Variants in ITPR2 observed in about 807,000 individuals in gnomAD.
ITPR2 encodes the protein inositol 1,4,5-trisphosphate receptor type 2.
In ITPR2, 207 loss-of-function variants were observed where a neutral mutation model predicts 317.1. That is an observed-to-expected ratio of 0.65 (90% confidence interval 0.58 to 0.73). The LOEUF is 0.73. ITPR2 is among the 30% of genes least tolerant of loss of function. The probability of loss-of-function intolerance (pLI) is 0.00; values close to 1 mark genes in which losing one functional copy is unlikely to be tolerated. For missense variants in ITPR2, 2,613 were observed against 3,284.0 expected (o/e 0.80, Z 4.99); for synonymous variants, 1,156 against 1,149.1 (o/e 1.01, Z -0.12).
intron 47 of ITPR2, among the ~76,000 whole-genome samples, chr12:26,437,948 C>G (rs982780675): frequency 6.6e-6 from 1 of 151,876 alleles, no homozygotes; most frequent in African/African-American, 2.4e-5. Context: ...ACTACAGGTG[C>G]CTGCCACCAC....
chr12:26,480,864 A>T (rs926056226), intron 43 of ITPR2, among the ~76,000 whole-genome samples: 2 of 140,030 alleles, frequency 1.4e-5, no homozygotes, highest in Non-Finnish European at 3.1e-5. Flanking sequence ...AAAATAAAAT[A>T]AAAAATAAAA....
chr12:26,628,287 A>G, intron 22 of ITPR2, 125 bp from the exon 23 acceptor site: 1 of 630,688 alleles, frequency 1.6e-6, no homozygotes, highest in South Asian at 2.6e-5. Context: ...GAAGCTTTTA[A>G]CACCAGTTGC....
rs546946589 is a variant in ITPR2 at position 26,692,739 on chromosome 12, C to A, written c.996+2867G>T. Reference sequence around the variant, plus strand: ...CATTTCAGTGGCACCATGCATGAACCTTTGAAACTTCAAATACGGAAGGCA... The same window carrying A: ...CATTTCAGTGGCACCATGCATGAACATTTGAAACTTCAAATACGGAAGGCA... On this transcript the variant is annotated intron_variant, in intron 10 of 56. Transcript: ENST00000381340. Among the ~76,000 whole-genome samples, 11 of 152,152 alleles carry A rather than the reference C, an allele frequency of 7.2e-5. No homozygotes were observed. In the South Asian group the frequency reaches 2.3e-3, roughly 32 times the overall value.
intron 2 of ITPR2, among the ~76,000 whole-genome samples, chr12:26,735,844 C>T (rs150381765): frequency 1.4e-3 from 212 of 152,306 alleles, no homozygotes; most frequent in African/African-American, 4.6e-3. Context: ...TTTAAATTAA[C>T]TGCCCTGTCA....
At chr12:26,401,869 G>A (rs1393320097) in intron 52 of ITPR2, among the ~76,000 whole-genome samples, 1 of 152,176 alleles carries the variant, frequency 6.6e-6, no homozygotes, top group Non-Finnish European at 1.5e-5. Context: ...TTTAAAACAT[G>A]CTGGGATACA....
intron 37 of ITPR2, among the ~76,000 whole-genome samples, chr12:26,496,642 TC>T (rs917825159): frequency 2.0e-4 from 30 of 152,244 alleles, no homozygotes; most frequent in African/African-American, 7.2e-4. Flanking sequence ...TCAAATGTTT[TC>T]CCCTTAATTT....
At chr12:26,607,630 C>A (rs1946165562) in intron 26 of ITPR2, among the ~76,000 whole-genome samples, 1 of 152,172 alleles carries the variant, frequency 6.6e-6, no homozygotes, top group Non-Finnish European at 1.5e-5. Context: ...TCAAAATCCA[C>A]AATGGGCAGA....
chr12:26,634,192 G>C (rs1482979), intron 21 of ITPR2, among the ~76,000 whole-genome samples: 131,666 of 152,252 alleles, frequency 0.86, 57,276 homozygotes, highest in East Asian at 0.97. Context: ...TCTGGATTTG[G>C]TTGGTGGTGA....
intron 23 of ITPR2, among the ~76,000 whole-genome samples, chr12:26,625,891 T>C (rs1946612250): frequency 6.6e-6 from 1 of 152,142 alleles, no homozygotes; most frequent in Non-Finnish European, 1.5e-5. Context: ...CGTGAACCAA[T>C]CATGATTCCT....
chr12:26,743,635 G>A (rs542392297), intron 2 of ITPR2, among the ~76,000 whole-genome samples: 13 of 152,228 alleles, frequency 8.5e-5, no homozygotes, highest in African/African-American at 3.1e-4. Context: ...GCTCATGCCT[G>A]TAATCCCAGC....
chr12:26,493,671 T>G (rs889248703), intron 39 of ITPR2, among the ~76,000 whole-genome samples: 7 of 152,158 alleles, frequency 4.6e-5, no homozygotes, highest in Admixed American at 1.3e-4. Context: ...TATCACACTG[T>G]ACCCTATAAA....
At chr12:26,688,163 G>A (rs1245306978) in intron 10 of ITPR2, among the ~76,000 whole-genome samples, 1 of 151,986 alleles carries the variant, frequency 6.6e-6, no homozygotes, top group Non-Finnish European at 1.5e-5. Flanking sequence ...GGCCTCCTGG[G>A]TAGCTGCGAC....
chr12:26,662,460 C>T (rs1459471286), intron 15 of ITPR2, among the ~76,000 whole-genome samples: 2 of 152,204 alleles, frequency 1.3e-5, no homozygotes, highest in Admixed American at 6.5e-5. Context: ...GATTGACATC[C>T]TAGGCCCTAG....
chr12:26,713,107 C>G (rs1479938091), intron 8 of ITPR2, among the ~76,000 whole-genome samples: 1 of 152,168 alleles, frequency 6.6e-6, no homozygotes, highest in Non-Finnish European at 1.5e-5. Context: ...GACTAGTGCC[C>G]GCTCCTACAA....
At chr12:26,398,022 T>G (rs1463229517) in intron 54 of ITPR2, among the ~76,000 whole-genome samples, 4 of 145,336 alleles carry the variant, frequency 2.8e-5, no homozygotes, top group African/African-American at 1.0e-4. Context: ...CTGTGTGCAC[T>G]AGGAGAGATG....
chr12:26,523,608 C>T (rs1565579414), intron 37 of ITPR2, among the ~76,000 whole-genome samples: 1 of 152,074 alleles, frequency 6.6e-6, no homozygotes, highest in Non-Finnish European at 1.5e-5. Flanking sequence ...TCCCCCACCC[C>T]TACATTATTT....
At chr12:26,724,538 A>AT in intron 4 of ITPR2, 118 bp downstream of exon 4, 1 of 687,082 alleles carries the variant, frequency 1.5e-6, no homozygotes, top group South Asian at 1.5e-5. Flanking sequence ...AACATCGATA[A>AT]TTCCCATCAA....
intron 9 of ITPR2, among the ~76,000 whole-genome samples, chr12:26,697,996 A>C (rs530353167): frequency 6.6e-6 from 1 of 152,296 alleles, no homozygotes; most frequent in African/African-American, 2.4e-5. Context: ...CCCTCCATAC[A>C]GAAGGAAGGT....
intron 55 of ITPR2, among the ~76,000 whole-genome samples, chr12:26,355,138 T>C (rs1938594819): frequency 6.6e-6 from 1 of 152,244 alleles, no homozygotes; most frequent in Non-Finnish European, 1.5e-5. Context: ...AGTTTGAGAA[T>C]GACCACTGTA....
Sources: allele counts gnomAD v4.1 joint callset (sites outside exome capture counted in the v4.1 genomes callset), GRCh38; gene constraint gnomAD v4.1.1; transcripts MANE v1.5; gene names NCBI Gene and HGNC (gene_info 2026-07-23, HGNC 2026-07-21).